MYO16: variants seen among roughly 807,000 people sequenced by gnomAD.
MYO16 encodes unconventional myosin-XVI.
MYO16 carries 94 observed loss-of-function variants against 205.3 expected under a neutral mutation model. The observed-to-expected ratio is 0.46, with a 90% confidence interval of 0.39 to 0.54. The LOEUF is 0.54. MYO16 is among the 20% of genes least tolerant of loss of function. MYO16 has a pLI of 0.00. For missense variants in MYO16, 2,315 were observed against 2,387.5 expected (o/e 0.97, Z 0.63); for synonymous variants, 988 against 954.0 (o/e 1.04, Z -0.66).
At chr13:108,696,482 C>T (rs1883094028) in intron 2 of MYO16, among the ~76,000 whole-genome samples, 1 of 152,116 alleles carries the variant, frequency 6.6e-6, no homozygotes, top group African/African-American at 2.4e-5. Context: ...GCCAGACACC[C>T]CAAAGAGGAC....
At chr13:109,163,274 T>G (rs1428729526) in intron 32 of MYO16, among the ~76,000 whole-genome samples, 1 of 152,106 alleles carries the variant, frequency 6.6e-6, no homozygotes, top group Non-Finnish European at 1.5e-5. Context: ...GGAGAGGGCT[T>G]GAGTGCACCA....
intron 1 of MYO16, among the ~76,000 whole-genome samples, chr13:108,610,921 C>A (rs1879150561): frequency 6.6e-6 from 1 of 152,096 alleles, no homozygotes; most frequent in African/African-American, 2.4e-5. Context: ...AAGTTCATTT[C>A]CAGATGCTTC....
At chr13:108,904,701 G>C (rs1320290309) in intron 15 of MYO16, among the ~76,000 whole-genome samples, 1 of 151,240 alleles carries the variant, frequency 6.6e-6, no homozygotes, top group African/African-American at 2.4e-5. Context: ...TCTCCTTCAA[G>C]AAAAAAAAAG....
At chr13:108,933,473 G>T (rs1422607262) in intron 16 of MYO16, among the ~76,000 whole-genome samples, 2 of 151,770 alleles carry the variant, frequency 1.3e-5, no homozygotes, top group African/African-American at 4.8e-5. Context: ...ATTAGATATC[G>T]ATAATGTAAG....
At chr13:108,907,615 T>A (rs186209756) in intron 15 of MYO16, among the ~76,000 whole-genome samples, 1 of 152,312 alleles carries the variant, frequency 6.6e-6, no homozygotes, top group Non-Finnish European at 1.5e-5. Flanking sequence ...CTGTCTTGTG[T>A]TTGCTTCCAT....
intron 16 of MYO16, among the ~76,000 whole-genome samples, chr13:108,925,302 A>G (rs1361244276): frequency 6.6e-6 from 1 of 152,134 alleles, no homozygotes; most frequent in African/African-American, 2.4e-5. Flanking sequence ...TGTCACAGAG[A>G]TGAACTAGAG....
At chr13:108,967,153 A>ATGTG (rs568054141) in intron 20 of MYO16, among the ~76,000 whole-genome samples, 175 of 150,960 alleles carry the variant, frequency 1.2e-3, no homozygotes, top group African/African-American at 3.5e-3. Flanking sequence ...CTGACTATAT[A>ATGTG]TATGTGTGTG....
the MYO16 span, among the ~76,000 whole-genome samples, chr13:108,509,878 C>T: frequency 6.6e-6 from 1 of 152,040 alleles, no homozygotes; most frequent in Non-Finnish European, 1.5e-5. Context: ...TTTTCTTCCC[C>T]CGCCCAACCC....
chr13:108,528,781 C>T, the MYO16 span, among the ~76,000 whole-genome samples: 1 of 146,128 alleles, frequency 6.8e-6, no homozygotes, highest in Non-Finnish European at 1.5e-5. Context: ...CCTGTCTCCT[C>T]CCTCTTCTCT....
At chr13:108,784,232 G>GT (rs138425926) in intron 4 of MYO16, among the ~76,000 whole-genome samples, 2,765 of 149,192 alleles carry the variant, frequency 0.019, 80 homozygotes, top group African/African-American at 0.063. Flanking sequence ...TGAAGTCAGG[G>GT]TTTTTTTTTT....
In MYO16 at chr13:109,052,656, G is replaced by A. The variant is rs1267723128; in HGVS notation, c.3048+181G>A. Among the ~76,000 whole-genome samples, 6 of 152,148 alleles carry A rather than the reference G, an allele frequency of 3.9e-5. No individual in the cohort carries two copies. In the East Asian group the frequency reaches 1.2e-3, roughly 29 times the overall value. On this transcript the variant is annotated intron_variant, in intron 25 of 34. Coordinates refer to ENST00000457511, the MANE Select transcript of MYO16 (RefSeq NM_001198950.3). ...TCAGAATGAAGGAAGAGTAGAGGAA[G>A]GTGCAGCAGAGTGACAATTTTAATA...
At chr13:108,549,299 G>A in the MYO16 span, among the ~76,000 whole-genome samples, 2 of 152,168 alleles carry the variant, frequency 1.3e-5, no homozygotes, top group East Asian at 3.9e-4. Flanking sequence ...GTTTTGAAGG[G>A]GAAAAAGGGG....
rs1877269863 is a variant in MYO16, at chr13:109,145,143, A to G, written c.5164+3767A>G. 2.0e-5 allele frequency among the ~76,000 whole-genome samples: 3 copies of G among 152,256 alleles called. No homozygotes were observed. In the South Asian group the frequency reaches 6.2e-4, roughly 32 times the overall value. The stretch of plus-strand genomic sequence containing the variant: ...AAGGAATTGTAGTGCTTACTGTGCC[A>G]GGCATTGTCTGAGTCATCTAATTCT... On this transcript the variant is annotated intron_variant, in intron 32 of 34. Coordinates refer to ENST00000457511, the MANE Select transcript of MYO16 (RefSeq NM_001198950.3).
intron 16 of MYO16, among the ~76,000 whole-genome samples, chr13:108,925,565 G>C (rs1275673909): frequency 6.6e-6 from 1 of 152,110 alleles, no homozygotes; most frequent in Admixed American, 6.5e-5. Context: ...AAAGAACCTG[G>C]TTCCCCCACC....
At chr13:108,775,375 A>G (rs903649360) in intron 4 of MYO16, among the ~76,000 whole-genome samples, 2 of 152,206 alleles carry the variant, frequency 1.3e-5, no homozygotes, top group Non-Finnish European at 1.5e-5. Context: ...GAAGAGAAAA[A>G]TTATATTGTA....
intron 4 of MYO16, among the ~76,000 whole-genome samples, chr13:108,739,628 C>T (rs1566580391): frequency 1.3e-5 from 2 of 152,226 alleles, no homozygotes; most frequent in East Asian, 3.9e-4. Context: ...AGTTGCTCTT[C>T]TCGAGGAGTA....
At chr13:108,949,753 A>C (rs1329743721) in intron 16 of MYO16, among the ~76,000 whole-genome samples, 1 of 152,180 alleles carries the variant, frequency 6.6e-6, no homozygotes, top group African/African-American at 2.4e-5. Flanking sequence ...CAGAGGAACT[A>C]CTCTACCCAT....
chr13:109,071,912 A>C (rs277853), intron 27 of MYO16, among the ~76,000 whole-genome samples: 42,458 of 152,062 alleles, frequency 0.28, 6,081 homozygotes, highest in African/African-American at 0.34. Context: ...GCTAAGACCA[A>C]TGTTAATGCC....
chr13:108,522,883 C>G, the MYO16 span, among the ~76,000 whole-genome samples: 1 of 152,062 alleles, frequency 6.6e-6, no homozygotes, highest in Non-Finnish European at 1.5e-5. Flanking sequence ...TCTGCAATGA[C>G]CCTACTTGGA....
Sources: allele counts gnomAD v4.1 joint callset (sites outside exome capture counted in the v4.1 genomes callset), GRCh38; gene constraint gnomAD v4.1.1; transcripts MANE v1.5; gene names NCBI Gene and HGNC (gene_info 2026-07-23, HGNC 2026-07-21).